ACTR2: variants seen among roughly 807,000 people sequenced by gnomAD.
ACTR2 encodes the protein actin related protein 2.
In ACTR2, 5 loss-of-function variants were observed where a neutral mutation model predicts 50.2. The observed-to-expected ratio is 0.10, with a 90% confidence interval of 0.05 to 0.21. ACTR2 has a LOEUF of 0.21. Ranked by LOEUF, ACTR2 falls within the 10% of genes least tolerant of loss-of-function variation. ACTR2 has a pLI of 1.00. For synonymous variants in ACTR2, 140 were observed against 162.9 expected (o/e 0.86, Z 1.07); for missense variants, 180 against 480.6 (o/e 0.37, Z 5.85).
intron 2 of ACTR2, chr2:65,242,011 C>T (rs1171581131): frequency 2.5e-6 from 4 of 1,593,926 alleles, no homozygotes; most frequent in Middle Eastern, 3.3e-4. Context: ...CTTACTTCTA[C>T]CTTCTCTCTC....
intron 3 of ACTR2, among the ~76,000 whole-genome samples, chr2:65,250,756 A>G (rs1417185949): frequency 2.6e-5 from 4 of 151,922 alleles, no homozygotes; most frequent in Non-Finnish European, 5.9e-5. Flanking sequence ...TTTCTTTCAC[A>G]CTAATTAGTC....
chr2:65,264,664 G>C lies in ACTR2; in HGVS notation c.882-379G>C, dbSNP rs116805722. 1.2e-3 allele frequency among the ~76,000 whole-genome samples: 188 copies of C among 152,216 alleles called. 1 individual carries two copies. Among genetic ancestry groups the C allele is most frequent in the African/African-American group, 4.4e-3 (182 of 41,540 alleles). On this transcript the variant is annotated intron_variant, in intron 7 of 8. Transcript: ENST00000260641. The stretch of plus-strand genomic sequence containing the variant: ...CAAAAGATAAATGAAAAATTAAAAA[G>C]CAGGAATTCTGGATTAAAGTAGAAT...
intron 7 of ACTR2, among the ~76,000 whole-genome samples, chr2:65,262,872 G>T (rs1463162172): frequency 1.3e-5 from 2 of 151,892 alleles, no homozygotes; most frequent in African/African-American, 4.8e-5. Flanking sequence ...AGGCTGAAGT[G>T]GGAGGATTGC....
In ACTR2 at chr2:65,271,137, A is replaced by G. The variant is rs574182755; in HGVS notation, c.*2403A>G. 9 of 152,336 alleles carry G rather than the reference A, an allele frequency of 5.9e-5. No individual in the cohort carries two copies. Among genetic ancestry groups the G allele is most frequent in the Non-Finnish European group, 1.3e-4 (9 of 68,024 alleles). The allele number at this position is 152,336 out of a possible 1,614,324, so 9.4% of individuals were successfully genotyped here. The stretch of plus-strand genomic sequence containing the variant: ...GGTGGTTAACTTTTACACAGTTCTG[A>G]GTACTGTTAATATCTGGAAAGTATC... On this transcript the variant is annotated 3_prime_UTR_variant, in exon 9 of 9. Transcript: ENST00000260641.
chr2:65,264,986 T>C, intron 7 of ACTR2, 57 bp from the exon 8 acceptor site: 1 of 1,587,696 alleles, frequency 6.3e-7, no homozygotes. Flanking sequence ...ACAGTAACCC[T>C]GAGATACCAT....
intron 6 of ACTR2, among the ~76,000 whole-genome samples, chr2:65,257,016 C>T (rs1386242697): frequency 2.0e-5 from 3 of 151,882 alleles, no homozygotes; most frequent in Non-Finnish European, 2.9e-5. Flanking sequence ...TACATAGGTA[C>T]ACATGTGCCA....
Position 65,255,662 on chromosome 2 carries a change from T to G in ACTR2, c.703T>G (p.Leu235Val), listed in dbSNP as rs1247153141. Residue 235 changes from leucine (L) to valine (V), a missense_variant, in exon 6 of 9, where the codon TTA becomes GTA. Physicochemically the swap from Leu to Val is conservative, Grantham distance 32. Transcript: ENST00000260641. Reference protein sequence around the residue: ...YNIEQEQKLALETTVLVESYT... With the variant: ...YNIEQEQKLAVETTVLVESYT... ...TATTGAGCAAGAGCAGAAACTGGCCTTAGAAACCACAGTATTAGTTGAATC... is the reference window on the plus strand; with the variant it reads ...TATTGAGCAAGAGCAGAAACTGGCCGTAGAAACCACAGTATTAGTTGAATC... 1.9e-6 allele frequency: 3 copies of G among 1,613,784 alleles called. No homozygotes were observed. The highest frequency in any genetic ancestry group is 2.5e-6 in the Non-Finnish European group (3 of 1,179,818).
rs1672137492 is a variant in ACTR2 at position 65,255,736 on chromosome 2, G to C, written c.735+42G>C. 2.0e-6 allele frequency: 3 copies of C among 1,532,654 alleles called. No individual in the cohort carries two copies. In the East Asian group the frequency reaches 6.8e-5, roughly 35 times the overall value. The allele number at this position is 1,532,654 out of a possible 1,614,324, so 94.9% of individuals were successfully genotyped here. On this transcript the variant is annotated intron_variant, in intron 6 of 8. Transcript: ENST00000260641. The stretch of plus-strand genomic sequence containing the variant: ...TATAATATATATGTGTTTTAAAGTG[G>C]ACAGCCATGATTATTGGTGTCAGCT...
chr2:65,256,145 C>G (rs560163991), intron 6 of ACTR2, among the ~76,000 whole-genome samples: 2 of 152,104 alleles, frequency 1.3e-5, no homozygotes, highest in African/African-American at 4.8e-5. Context: ...ATATAGTATG[C>G]GTGTTTTTCA....
intron 1 of ACTR2, among the ~76,000 whole-genome samples, chr2:65,238,655 TAAAA>T (rs34932093): frequency 9.3e-6 from 1 of 107,860 alleles, no homozygotes. Flanking sequence ...CGAGACTGTC[TAAAA>T]AAAAAAAAAA....
At chr2:65,243,872 G>T (rs1671886596) in intron 2 of ACTR2, among the ~76,000 whole-genome samples, 1 of 152,052 alleles carries the variant, frequency 6.6e-6, no homozygotes, top group Non-Finnish European at 1.5e-5. Context: ...GGCGGGGCAG[G>T]TGGTTAAAAC....
intron 1 of ACTR2, among the ~76,000 whole-genome samples, chr2:65,231,297 A>G (rs1434586162): frequency 2.0e-5 from 3 of 152,202 alleles, no homozygotes; most frequent in South Asian, 4.1e-4. Flanking sequence ...CATGAATCAT[A>G]TAACAGGAAT....
intron 4 of ACTR2, 37 bp from the exon 5 acceptor site, chr2:65,253,691 T>G (rs1429287507): frequency 1.3e-6 from 2 of 1,598,884 alleles, no homozygotes; most frequent in South Asian, 1.1e-5. Context: ...TTTTCCTGAT[T>G]TGACTTTTTA....
At chr2:65,242,678 C>A in intron 2 of ACTR2, 1 of 508,600 alleles carries the variant, frequency 2.0e-6, no homozygotes, top group Non-Finnish European at 3.9e-6. Context: ...AACAGATTTC[C>A]CCCCCAAACA....
intron 7 of ACTR2, among the ~76,000 whole-genome samples, chr2:65,263,207 T>G (rs1246540603): frequency 6.6e-6 from 1 of 150,866 alleles, no homozygotes; most frequent in Non-Finnish European, 1.5e-5. Flanking sequence ...TAAGGGACAT[T>G]TTAAATTTTT....
chr2:65,254,711 T>C (rs575007589), intron 5 of ACTR2, among the ~76,000 whole-genome samples: 1 of 152,314 alleles, frequency 6.6e-6, no homozygotes, highest in African/African-American at 2.4e-5. Context: ...AAACAATGTA[T>C]AGTCTGTCAG....
At chr2:65,262,042 AG>A (rs1368447365) in intron 7 of ACTR2, among the ~76,000 whole-genome samples, 6 of 152,152 alleles carry the variant, frequency 3.9e-5, no homozygotes, top group Non-Finnish European at 7.4e-5. Context: ...ATGTCTATTC[AG>A]GTCCTTTGCC....
intron 6 of ACTR2, 144 bp from the exon 7 acceptor site, chr2:65,261,103 T>TC: frequency 1.3e-6 from 1 of 760,576 alleles, no homozygotes. Flanking sequence ...TTACCTTTTT[T>TC]TCCCCAAATA....
At position 65,264,958 on chromosome 2, in the gene ACTR2, C is replaced by G. The variant is rs1380117517; in HGVS notation, c.882-85C>G. On this transcript the variant is annotated intron_variant, in intron 7 of 8. Coordinates refer to ENST00000260641, the MANE Select transcript of ACTR2 (RefSeq NM_005722.4). ...ATTTTATTTAATTCTCCCAGCAACCCCGAGGCTGACATAAGTAACAGTAAC... is the reference window on the plus strand; with the variant it reads ...ATTTTATTTAATTCTCCCAGCAACCGCGAGGCTGACATAAGTAACAGTAAC... 2.7e-6 allele frequency: 4 copies of G among 1,494,670 alleles called. No individual in the cohort carries two copies. In the African/African-American group the frequency reaches 5.6e-5, roughly 21 times the overall value. The allele number at this position is 1,494,670 out of a possible 1,614,324, so 92.6% of individuals were successfully genotyped here. A position where few individuals can be genotyped will look rare whatever the true frequency, so the allele number is the denominator to read the frequency against.
Sources: gnomAD v4.1 joint callset for allele counts (sites outside exome capture counted in the v4.1 genomes callset) on GRCh38, gnomAD v4.1.1 for gene constraint, MANE v1.5 for transcripts, NCBI Gene and HGNC (gene_info 2026-07-23, HGNC 2026-07-21) for gene names.